Variants in TBC1D32 observed in about 807,000 individuals in gnomAD.
TBC1D32 encodes the protein TBC1 domain family member 32, also known as protein broad-minded.
TBC1D32 carries 151 observed loss-of-function variants against 170.3 expected under a neutral mutation model. That is an observed-to-expected ratio of 0.89 (90% CI 0.78 to 1.01). The LOEUF (loss-of-function observed/expected upper bound fraction) is 1.01. Among genes scored for constraint, TBC1D32 ranks in the 50% least tolerant of loss-of-function variants. The pLI is 0.00. For synonymous variants in TBC1D32, 498 were observed against 488.0 expected (o/e 1.02, Z -0.27); for missense variants, 1,464 against 1,457.1 (o/e 1.00, Z -0.08).
At chr6:121,307,710 A>G (rs949420318) in intron 5 of TBC1D32, among the ~76,000 whole-genome samples, 1 of 152,016 alleles carries the variant, frequency 6.6e-6, no homozygotes, top group African/African-American at 2.4e-5. Context: ...AAATACAAAA[A>G]TTAGCCAGGC....
At chr6:121,157,461 C>A (rs1198745089) in intron 24 of TBC1D32, among the ~76,000 whole-genome samples, 1 of 152,098 alleles carries the variant, frequency 6.6e-6, no homozygotes, top group East Asian at 1.9e-4. Flanking sequence ...ATCCAGCTTG[C>A]CACTCTATGC....
chr6:121,265,769 C>T (rs1029771796), intron 15 of TBC1D32, among the ~76,000 whole-genome samples: 1 of 151,884 alleles, frequency 6.6e-6, no homozygotes, highest in Admixed American at 6.6e-5. Flanking sequence ...AGAAATAAGA[C>T]CACATCTACA....
intron 21 of TBC1D32, among the ~76,000 whole-genome samples, chr6:121,216,625 A>G (rs899475428): frequency 4.6e-5 from 7 of 152,198 alleles, no homozygotes; most frequent in African/African-American, 1.7e-4. Context: ...TTCACTGCTC[A>G]TGAGAGGCAA....
At chr6:121,332,467 TAC>T (rs1392739296) in intron 1 of TBC1D32, among the ~76,000 whole-genome samples, 1 of 152,098 alleles carries the variant, frequency 6.6e-6, no homozygotes, top group African/African-American at 2.4e-5. Flanking sequence ...GGAACATGAC[TAC>T]AGATACTGGA....
At position 121,239,087 on chromosome 6, in the gene TBC1D32, C is replaced by A; in HGVS notation, c.2347G>T (p.Asp783Tyr). The A allele has an allele frequency of 3.1e-6, 5 of 1,592,550 alleles. No homozygotes were observed. Among genetic ancestry groups the A allele is most frequent in the South Asian group, 1.1e-5 (1 of 88,200 alleles). Residue 783 changes from aspartate (D) to tyrosine (Y), a missense_variant, in exon 20 of 32, where the codon GAC becomes TAC. Physicochemically the swap from Asp to Tyr is radical, Grantham distance 160 (BLOSUM62 -3). Around this residue, in one of 3 missense-constraint regions of TBC1D32, gnomAD observed 1,363 missense variants for 1,338.1 expected, o/e 1.02. Coordinates refer to ENST00000398212, the MANE Select transcript of TBC1D32 (RefSeq NM_152730.6). The part of the protein sequence containing the change: ...HPRTTPVDPI[D>Y]RSCQKSFLAL... ...CTTCTTACCTTTTGACAGCTTCGGT[C>A]AATAGGATCCACTGGAGTAGTTCTG... is the stretch of plus-strand genomic sequence containing the variant.
chr6:121,288,098 G>A (rs369255581), intron 12 of TBC1D32, among the ~76,000 whole-genome samples: 30 of 151,948 alleles, frequency 2.0e-4, no homozygotes, highest in African/African-American at 6.3e-4. Context: ...AAGAACTAGA[G>A]AAGCAAGAGC....
At chr6:121,252,939 CTTAT>C (rs888399657) in intron 17 of TBC1D32, among the ~76,000 whole-genome samples, 1 of 152,056 alleles carries the variant, frequency 6.6e-6, no homozygotes, top group Non-Finnish European at 1.5e-5. Context: ...CATCTCTCAC[CTTAT>C]ATAAAAATCA....
intron 22 of TBC1D32, among the ~76,000 whole-genome samples, chr6:121,203,636 ACT>A (rs2128302585): frequency 6.6e-6 from 1 of 151,424 alleles, no homozygotes; most frequent in East Asian, 1.9e-4. Flanking sequence ...TATGAAAATA[ACT>A]CTGTAAGGAA....
chr6:121,272,542 A>C (rs1351864278), intron 15 of TBC1D32, among the ~76,000 whole-genome samples: 1 of 152,190 alleles, frequency 6.6e-6, no homozygotes, highest in Non-Finnish European at 1.5e-5. Context: ...AGAAATGCAA[A>C]TCAAAACCAC....
intron 9 of TBC1D32, among the ~76,000 whole-genome samples, chr6:121,302,014 T>C (rs1436075231): frequency 6.6e-6 from 1 of 152,208 alleles, no homozygotes; most frequent in East Asian, 1.9e-4. Context: ...TTAAACCTTG[T>C]AGCTTAAAAT....
chr6:121,202,915 A>G (rs955067795), intron 22 of TBC1D32, among the ~76,000 whole-genome samples: 2 of 151,450 alleles, frequency 1.3e-5, no homozygotes, highest in Non-Finnish European at 2.9e-5. Flanking sequence ...GAGTGTTGTG[A>G]TAAATAAGTT....
At chr6:121,122,557 A>T (rs192662386) in intron 26 of TBC1D32, among the ~76,000 whole-genome samples, 2 of 121,180 alleles carry the variant, frequency 1.7e-5, no homozygotes, top group African/African-American at 4.5e-5. Context: ...GAAGTGTGGT[A>T]AAAAAAAAAG....
intron 15 of TBC1D32, among the ~76,000 whole-genome samples, chr6:121,267,508 C>T (rs9387939): frequency 0.64 from 97,669 of 152,080 alleles, 36,835 homozygotes; most frequent in Non-Finnish European, 0.84. Flanking sequence ...CCCACAGAGC[C>T]TCCCTCACGG....
At chr6:121,083,324 ATTTAAG>A (rs1200002695) in intron 31 of TBC1D32, among the ~76,000 whole-genome samples, 1 of 152,020 alleles carries the variant, frequency 6.6e-6, no homozygotes, top group African/African-American at 2.4e-5. Context: ...TACTAGAATG[ATTTAAG>A]TTTTAGTTAG....
At position 121,162,400 on chromosome 6, in the gene TBC1D32, T is replaced by C. The variant is rs550000515; in HGVS notation, c.2571-1344A>G. On this transcript the variant is annotated intron_variant, in intron 22 of 31. Coordinates refer to ENST00000398212, the MANE Select transcript of TBC1D32 (RefSeq NM_152730.6). Reference sequence around the variant, plus strand: ...TATACAATGTAACTGAAGGAACGTATCACAAAATAATAAGCACCATATATG... The same window carrying C: ...TATACAATGTAACTGAAGGAACGTACCACAAAATAATAAGCACCATATATG... Among the ~76,000 whole-genome samples, 9 of 152,166 alleles carry C rather than the reference T, an allele frequency of 5.9e-5. No individual in the cohort carries two copies. In the South Asian group the frequency reaches 1.9e-3, roughly 32 times the overall value.
chr6:121,088,201 C>G (rs932217311), intron 31 of TBC1D32, among the ~76,000 whole-genome samples: 2 of 151,998 alleles, frequency 1.3e-5, no homozygotes, highest in Non-Finnish European at 1.5e-5. Flanking sequence ...GCTATCCTCT[C>G]GCCTTGACCT....
rs1794849182 is a variant in TBC1D32, at chr6:121,224,447, T to C, written c.2365-1095A>G. 3 of 152,106 alleles carry C rather than the reference T, an allele frequency of 2.0e-5. No homozygotes were observed. In the South Asian group the frequency reaches 6.2e-4, roughly 31 times the overall value. 9.4% of individuals were successfully genotyped at this position (152,106 alleles called of 1,614,324 possible). On this transcript the variant is annotated intron_variant, in intron 20 of 31. Coordinates refer to ENST00000398212, the MANE Select transcript of TBC1D32 (RefSeq NM_152730.6). Reference sequence around the variant, plus strand: ...TTGGAGAACCAGACATACTGAGATATTTCACTAGAACCAGAAATTTGAAAA... The same window carrying C: ...TTGGAGAACCAGACATACTGAGATACTTCACTAGAACCAGAAATTTGAAAA...
intron 26 of TBC1D32, among the ~76,000 whole-genome samples, chr6:121,117,674 C>T (rs977032917): frequency 4.0e-5 from 6 of 151,870 alleles, no homozygotes; most frequent in Admixed American, 3.3e-4. Context: ...TGAACTCCAG[C>T]CTGCGTGACA....
At chr6:121,251,195 T>C (rs1378722183) in intron 17 of TBC1D32, among the ~76,000 whole-genome samples, 2 of 152,024 alleles carry the variant, frequency 1.3e-5, no homozygotes, top group African/African-American at 2.4e-5. Context: ...CAAGCTACCA[T>C]TGACTTTCCT....
Sources: gnomAD v4.1 joint callset for allele counts (sites outside exome capture counted in the v4.1 genomes callset) on GRCh38, gnomAD v4.1.1 for gene constraint, gnomAD v4.1.1 regional missense constraint, MANE v1.5 for transcripts, NCBI Gene and HGNC (gene_info 2026-07-23, HGNC 2026-07-21) for gene names.